PC: variants seen among roughly 807,000 people sequenced by gnomAD.
PC encodes the protein pyruvate carboxylase.
PC carries 46 observed loss-of-function variants against 107.8 expected under a neutral mutation model. The ratio of observed to expected loss-of-function variants is 0.43; its 90% CI spans 0.34 to 0.55. The LOEUF (loss-of-function observed/expected upper bound fraction) is 0.55, where lower values mean the gene tolerates loss of function less well. Ranked by LOEUF, PC falls within the 20% of genes least tolerant of loss-of-function variation. The probability of loss-of-function intolerance (pLI) is 0.04; values close to 1 mark genes in which losing one functional copy is unlikely to be tolerated. For missense variants in PC, 1,241 were observed against 1,643.1 expected, an observed-to-expected ratio of 0.76 and a Z score of 4.23; for synonymous variants, 662 against 684.7, an observed-to-expected ratio of 0.97 and a Z score of 0.52.
chr11:66,933,176 C>T (rs1030729844), intron 3 of PC, among the ~76,000 whole-genome samples: 2 of 152,202 alleles, frequency 1.3e-5, no homozygotes, highest in Admixed American at 1.3e-4. Context: ...GACAGCTCTT[C>T]CAGAGGCCTC....
At chr11:66,872,812 G>A (rs1249901054) in intron 3 of PC, among the ~76,000 whole-genome samples, 4 of 147,358 alleles carry the variant, frequency 2.7e-5, no homozygotes, top group African/African-American at 1.0e-4. Context: ...GAAGTGGGAG[G>A]AGCACCTTAC....
intron 3 of PC, among the ~76,000 whole-genome samples, chr11:66,912,243 C>G (rs939031589): frequency 4.6e-5 from 7 of 152,202 alleles, no homozygotes; most frequent in Non-Finnish European, 8.8e-5. Flanking sequence ...TGCCTTTGCA[C>G]CATGGGTGCA....
chr11:66,902,069 G>T (rs926880224), intron 3 of PC, among the ~76,000 whole-genome samples: 4 of 152,188 alleles, frequency 2.6e-5, no homozygotes, highest in African/African-American at 9.7e-5. Flanking sequence ...GAGCCAAGGC[G>T]ATAGTAAAGA....
At chr11:66,849,481 G>A (rs1945340242) in intron 21 of PC, 111 bp from the exon 22 acceptor site, 2 of 1,602,250 alleles carry the variant, frequency 1.2e-6, no homozygotes, top group Admixed American at 3.4e-5. Flanking sequence ...GTTCCTAAAG[G>A]CCTAGCTCCC....
At chr11:66,949,042 G>C (rs973711821) in intron 3 of PC, among the ~76,000 whole-genome samples, 14 of 151,118 alleles carry the variant, frequency 9.3e-5, no homozygotes, top group African/African-American at 3.4e-4. Context: ...CGCCAGGCTG[G>C]AGTGCAGTGG....
chr11:66,886,478 G>C lies in PC; in HGVS notation c.1-14319C>G, dbSNP rs1282084156. ...AGCTCAGGACCACTGTGGCAGCTCT[G>C]GGGAAGCTGGATTTGAGAAGGAAAG... On this transcript the variant is annotated intron_variant, in intron 3 of 22. Coordinates refer to ENST00000393960, the MANE Select transcript of PC (RefSeq NM_001040716.2). Among the ~76,000 whole-genome samples, 3 of 152,122 alleles carry C rather than the reference G, an allele frequency of 2.0e-5. No individual in the cohort carries two copies. The East Asian group carries it at 5.8e-4, about 29-fold the overall frequency.
chr11:66,874,709 G>T (rs952771486), intron 3 of PC, among the ~76,000 whole-genome samples: 5 of 152,166 alleles, frequency 3.3e-5, no homozygotes, highest in Non-Finnish European at 5.9e-5. Context: ...AACAGTGAAG[G>T]GTTCTGCTCA....
intron 3 of PC, among the ~76,000 whole-genome samples, chr11:66,935,008 T>C (rs1448482493): frequency 1.3e-5 from 2 of 152,236 alleles, no homozygotes; most frequent in African/African-American, 4.8e-5. Context: ...CAAGCATGTA[T>C]TTTGTCCAGC....
At chr11:66,956,213 A>C (rs1187941517) in intron 1 of PC, among the ~76,000 whole-genome samples, 1 of 152,092 alleles carries the variant, frequency 6.6e-6, no homozygotes, top group Non-Finnish European at 1.5e-5. Context: ...AGTTTCTTAC[A>C]CCCAACAGTG....
intron 3 of PC, among the ~76,000 whole-genome samples, chr11:66,909,444 T>TC (rs1449795591): frequency 3.3e-5 from 5 of 151,638 alleles, no homozygotes; most frequent in Admixed American, 6.6e-5. Flanking sequence ...TCCCTGCCGC[T>TC]CCCCCCCGAA....
chr11:66,941,078 TAAAAAA>T (rs56790474), intron 3 of PC, among the ~76,000 whole-genome samples: 2 of 83,902 alleles, frequency 2.4e-5, no homozygotes, highest in Non-Finnish European at 4.7e-5. Context: ...AGACTCCATC[TAAAAAA>T]AAAAAAAAAA....
rs1565234503 is a variant in PC, at chr11:66,863,768, T to C, written c.1368+6A>G. On this transcript the variant is annotated splice_donor_region_variant and intron_variant, in intron 12 of 22. Coordinates refer to ENST00000393960, the MANE Select transcript of PC (RefSeq NM_001040716.2). ...GCAAAGGCAGGCGGGGGCTGCAGCC[T>C]CTCACCTTCACACCTCGGACGCGGA... is the stretch of plus-strand genomic sequence containing the variant. The C allele has an allele frequency of 6.2e-7, 1 of 1,604,954 alleles. No homozygotes were observed. Among genetic ancestry groups the C allele is most frequent in the African/African-American group, 1.3e-5 (1 of 74,646 alleles).
At chr11:66,952,118 G>C (rs556121089) in intron 3 of PC, among the ~76,000 whole-genome samples, 1 of 152,076 alleles carries the variant, frequency 6.6e-6, no homozygotes, top group Non-Finnish European at 1.5e-5. Context: ...TCTCAGAGAC[G>C]GCCCAGCCCC....
chr11:66,886,188 G>A (rs193057736), intron 3 of PC, among the ~76,000 whole-genome samples: 46 of 151,826 alleles, frequency 3.0e-4, no homozygotes, highest in African/African-American at 1.1e-3. Flanking sequence ...GACGTCCAGA[G>A]GGAGAAGAGG....
chr11:66,875,151 G>T (rs1471537822), intron 3 of PC, among the ~76,000 whole-genome samples: 1 of 151,912 alleles, frequency 6.6e-6, no homozygotes, highest in Non-Finnish European at 1.5e-5. Context: ...TCTCTGGACT[G>T]GCGAGCAGCA....
At chr11:66,888,403 C>T (rs1459495992) in intron 3 of PC, among the ~76,000 whole-genome samples, 1 of 152,148 alleles carries the variant, frequency 6.6e-6, no homozygotes, top group East Asian at 1.9e-4. Context: ...GCCTGTCTGC[C>T]CAAGAAGCCC....
chr11:66,933,846 G>C (rs774823510), intron 3 of PC, among the ~76,000 whole-genome samples: 1 of 152,070 alleles, frequency 6.6e-6, no homozygotes, highest in African/African-American at 2.4e-5. Context: ...TTCACCTCTG[G>C]GTAGTCCTGG....
Position 66,857,840 on chromosome 11 carries a change from CCT to C in PC, c.1369-4459_1369-4458del. On this transcript the variant is annotated intron_variant, in intron 12 of 22. Transcript: ENST00000393960. This position sits in a 1 kb window ranked among gnomAD's most constrained non-coding sequence, Gnocchi z 7.1. ...AGAACCTGTCCGAGTCGCTCAGCAC[CCT>C]CTGTGCCCACCGAGGCCTGCTGTTT... 1 of 1,606,942 alleles carries C rather than the reference CCT, an allele frequency of 6.2e-7. No individual in the cohort carries two copies. The highest frequency in any genetic ancestry group is 8.5e-7 in the Non-Finnish European group (1 of 1,179,852).
At chr11:66,951,149 T>C (rs780280665) in intron 3 of PC, among the ~76,000 whole-genome samples, 5 of 152,078 alleles carry the variant, frequency 3.3e-5, no homozygotes, top group African/African-American at 4.8e-5. Context: ...CCCCACATAA[T>C]GGGTGGAAAA....
Sources: allele counts gnomAD v4.1 joint callset (sites outside exome capture counted in the v4.1 genomes callset), GRCh38; gene constraint gnomAD v4.1.1; non-coding constraint Gnocchi (gnomAD v3.1); transcripts MANE v1.5; gene names NCBI Gene and HGNC (gene_info 2026-07-23, HGNC 2026-07-21).